The following HS1BP3 variants were observed in gnomAD, a reference collection of about 807,000 sequenced individuals.
The protein encoded by HS1BP3 is HCLS1-binding protein 3.
HS1BP3 carries 32 observed loss-of-function variants against 33.5 expected under a neutral mutation model. The observed-to-expected ratio is 0.95, with a 90% confidence interval of 0.72 to 1.28. The LOEUF is 1.28. Ranked by LOEUF, HS1BP3 falls within the 50% of genes most tolerant of loss-of-function variation. The pLI is 0.00. For synonymous variants in HS1BP3, 187 were observed against 209.2 expected (o/e 0.89, Z 0.92); for missense variants, 486 against 502.3 (o/e 0.97, Z 0.31).
chr2:20,593,452 GTGAA>G (rs1693868937), intron 3 of HS1BP3, among the ~76,000 whole-genome samples: 1 of 152,226 alleles, frequency 6.6e-6, no homozygotes, highest in South Asian at 2.1e-4. Flanking sequence ...GAATGAATGA[GTGAA>G]TGAATGAGCA....
At chr2:20,642,685 G>C (rs1558350841) in intron 2 of HS1BP3, among the ~76,000 whole-genome samples, 1 of 152,218 alleles carries the variant, frequency 6.6e-6, no homozygotes, top group Admixed American at 6.5e-5. Context: ...GGAGCTGTAG[G>C]CCTGGGCTCC....
At chr2:20,562,790 T>C (rs1693032639) in intron 5 of HS1BP3, among the ~76,000 whole-genome samples, 1 of 152,164 alleles carries the variant, frequency 6.6e-6, no homozygotes, top group African/African-American at 2.4e-5. Context: ...GCTGGAGAGT[T>C]CCTTGGTGGC....
At position 20,602,379 on chromosome 2, in the gene HS1BP3, G is replaced by A. The variant is rs116155202; in HGVS notation, c.179-4114C>T. Among the ~76,000 whole-genome samples, 45 of 151,472 alleles carry A rather than the reference G, an allele frequency of 3.0e-4. 1 individual carries two copies. The highest frequency in any genetic ancestry group is 1.3e-3 in the South Asian group (6 of 4,776). ...GCTCTGTGAATGTAATTCTATGCAC[G>A]GAATTTACTTTTGGTTTCATCGCAA... On this transcript the variant is annotated intron_variant, in intron 2 of 3. Transcript: ENST00000415264.
chr2:20,597,363 C>A (rs529435727), intron 3 of HS1BP3, among the ~76,000 whole-genome samples: 1 of 152,174 alleles, frequency 6.6e-6, no homozygotes, highest in East Asian at 1.9e-4. Context: ...CTAAGGAAGG[C>A]CTTGTACTGG....
At chr2:20,604,711 A>G (rs1109689) in intron 2 of HS1BP3, among the ~76,000 whole-genome samples, 9,617 of 152,166 alleles carry the variant, frequency 0.063, 347 homozygotes, top group African/African-American at 0.095. Context: ...TGACAGCAAA[A>G]CCTGTGTTCT....
rs556455852 is a variant in HS1BP3, at chr2:20,628,120, C to T, written c.624-3228G>A. 3.6e-3 allele frequency among the ~76,000 whole-genome samples: 549 copies of T among 152,318 alleles called. 4 individuals are homozygous for T. The highest frequency in any genetic ancestry group is 9.3e-3 in the South Asian group (45 of 4,834). Reference sequence around the variant, plus strand: ...CTGGCCGACTCCACTGGGCTTGCCACCAGGCCCTCAGCCACTCTATGAGCA... The same window carrying T: ...CTGGCCGACTCCACTGGGCTTGCCATCAGGCCCTCAGCCACTCTATGAGCA... On this transcript the variant is annotated intron_variant, in intron 4 of 6. Coordinates refer to ENST00000304031, the MANE Select transcript of HS1BP3 (RefSeq NM_022460.4).
At chr2:20,561,390 C>T (rs1450900404) in intron 5 of HS1BP3, among the ~76,000 whole-genome samples, 1 of 152,208 alleles carries the variant, frequency 6.6e-6, no homozygotes, top group Non-Finnish European at 1.5e-5. Flanking sequence ...GGTTAATAGA[C>T]AAAAGAGCAG....
At chr2:20,561,322 A>G (rs1692988547) in intron 5 of HS1BP3, among the ~76,000 whole-genome samples, 1 of 152,130 alleles carries the variant, frequency 6.6e-6, no homozygotes, top group Non-Finnish European at 1.5e-5. Flanking sequence ...TCTGTCCCCA[A>G]CAGCTGACTC....
intron 5 of HS1BP3, among the ~76,000 whole-genome samples, chr2:20,570,930 G>A (rs535266599): frequency 1.3e-5 from 2 of 152,240 alleles, no homozygotes; most frequent in East Asian, 1.9e-4. Context: ...CTCAGATGCC[G>A]GCTGGGAGCT....
At chr2:20,601,876 T>G (rs1694079826) in intron 2 of HS1BP3, among the ~76,000 whole-genome samples, 1 of 143,162 alleles carries the variant, frequency 7.0e-6, no homozygotes, top group Admixed American at 7.8e-5. Context: ...CCTTCCAGGT[T>G]CACGCCATTC....
At position 20,641,104 on chromosome 2, in the gene HS1BP3, G is replaced by A. The variant is rs77941615; in HGVS notation, c.275C>T (p.Pro92Leu). The change falls in exon 3 of 7, where the codon CCA becomes CTA. Residue 92 changes from proline to leucine, a missense_variant. Transcript: ENST00000304031. ...AACAAACAGGACCTTCCTGGGTAGTGGGGGGAGGCTGGCTGCTGCATAACG... is the reference window on the plus strand; with the variant it reads ...AACAAACAGGACCTTCCTGGGTAGTAGGGGGAGGCTGGCTGCTGCATAACG... ...SSRYAAASLP[P>L]LPRKVLFVGE... 948 of 1,613,434 alleles carry A rather than the reference G, an allele frequency of 5.9e-4. 5 individuals are homozygous for A. The African/African-American group carries it at 0.01, about 17-fold the overall frequency.
rs142114193 is a variant in HS1BP3 at position 20,623,545 on chromosome 2, G to A, written c.920+351C>T. The A allele has an allele frequency of 6.9e-4, 118 of 170,254 alleles. No homozygotes were observed. The East Asian group carries it at 0.019, about 27-fold the overall frequency. 10.5% of individuals were successfully genotyped at this position (170,254 alleles called of 1,614,324 possible). On this transcript the variant is annotated intron_variant, in intron 6 of 6. Coordinates refer to ENST00000304031, the MANE Select transcript of HS1BP3 (RefSeq NM_022460.4). The stretch of plus-strand genomic sequence containing the variant: ...GTGGGCTGCATGCTGCCATGAGTCC[G>A]TTTAATTTGTTCCCAAACTTGCTTA...
chr2:20,589,936 G>C (rs1693771802), downstream of HS1BP3, among the ~76,000 whole-genome samples: 1 of 152,172 alleles, frequency 6.6e-6, no homozygotes, highest in South Asian at 2.1e-4. Flanking sequence ...GCCTCCAGTA[G>C]TTCCCCCTGG....
intron 6 of HS1BP3, chr2:20,623,666 C>A: frequency 2.2e-6 from 1 of 446,578 alleles, no homozygotes; most frequent in Non-Finnish European, 3.9e-6. Flanking sequence ...GTTGTGCACA[C>A]AAAGTTCTCT....
chr2:20,564,693 A>G (rs1476155093), intron 5 of HS1BP3, among the ~76,000 whole-genome samples: 2 of 152,190 alleles, frequency 1.3e-5, no homozygotes, highest in Non-Finnish European at 2.9e-5. Context: ...CATGTTGGCC[A>G]GGCTGGTCTC....
intron 3 of HS1BP3, 166 bp downstream of exon 3, chr2:20,640,807 G>A (rs765814890): frequency 4.4e-6 from 3 of 679,742 alleles, no homozygotes; most frequent in Non-Finnish European, 7.9e-6. Context: ...GCCTCCTTCT[G>A]CCCACCATCC....
chr2:20,554,426 TAAG>T, the HS1BP3 span, among the ~76,000 whole-genome samples: 1 of 152,112 alleles, frequency 6.6e-6, no homozygotes, highest in African/African-American at 2.4e-5. Context: ...GCACAAAGCT[TAAG>T]AAGCACTCAG....
chr2:20,636,649 G>A (rs1267980682), intron 4 of HS1BP3: 3 of 152,212 alleles, frequency 2.0e-5, no homozygotes, highest in Admixed American at 2.0e-4. Flanking sequence ...AATACACTTA[G>A]TAAGGTTTTG....
intron 3 of HS1BP3, among the ~76,000 whole-genome samples, chr2:20,594,767 T>C (rs1693906323): frequency 6.6e-6 from 1 of 152,156 alleles, no homozygotes; most frequent in Non-Finnish European, 1.5e-5. Context: ...AAGTTCCAGA[T>C]CAAGGTGTCA....
Sources: allele counts gnomAD v4.1 joint callset (sites outside exome capture counted in the v4.1 genomes callset), GRCh38; gene constraint gnomAD v4.1.1; transcripts MANE v1.5; gene names NCBI Gene and HGNC (gene_info 2026-07-23, HGNC 2026-07-21).